Variants in PPARGC1A observed in about 807,000 individuals in gnomAD.
The protein encoded by PPARGC1A is peroxisome proliferator-activated receptor gamma coactivator 1-alpha.
A neutral mutation model predicts 88.7 loss-of-function variants in PPARGC1A; 25 were observed. The ratio of observed to expected loss-of-function variants is 0.28; its 90% CI spans 0.21 to 0.39. PPARGC1A has a LOEUF of 0.39. Among genes scored for constraint, PPARGC1A ranks in the 10% least tolerant of loss-of-function variants. The pLI, the probability that PPARGC1A is intolerant of heterozygous loss-of-function variation, is 1.00. For missense variants in PPARGC1A, 880 were observed against 968.7 expected (o/e 0.91, Z 1.22); for synonymous variants, 363 against 355.6 (o/e 1.02, Z -0.24).
intron 2 of PPARGC1A, among the ~76,000 whole-genome samples, chr4:23,864,446 A>G (rs150639909): frequency 3.9e-4 from 59 of 152,346 alleles, no homozygotes; most frequent in African/African-American, 1.4e-3. Flanking sequence ...TGGTTTAACA[A>G]TCAAGTATGG....
At chr4:23,858,285 A>AT (rs1332850256) in intron 2 of PPARGC1A, among the ~76,000 whole-genome samples, 9 of 151,996 alleles carry the variant, frequency 5.9e-5, no homozygotes, top group East Asian at 1.9e-4. Flanking sequence ...GGAGGGCAGG[A>AT]TTTTTTTTAC....
At chr4:24,137,816 T>C in the PPARGC1A span, among the ~76,000 whole-genome samples, 2 of 152,274 alleles carry the variant, frequency 1.3e-5, no homozygotes, top group East Asian at 3.9e-4. Context: ...CAAACAGCTT[T>C]TTCAAAATCC....
At chr4:24,276,604 G>A in the PPARGC1A span, among the ~76,000 whole-genome samples, 45 of 152,222 alleles carry the variant, frequency 3.0e-4, no homozygotes, top group African/African-American at 8.7e-4. Context: ...CTTTGCCCCC[G>A]AAATTATTAC....
the PPARGC1A span, among the ~76,000 whole-genome samples, chr4:23,991,688 T>G: frequency 6.6e-6 from 1 of 151,206 alleles, no homozygotes; most frequent in East Asian, 1.9e-4. Flanking sequence ...ACACTGAGAC[T>G]GGGACAGCTT....
At chr4:23,885,997 G>A (rs1716811968) in intron 1 of PPARGC1A, among the ~76,000 whole-genome samples, 1 of 152,082 alleles carries the variant, frequency 6.6e-6, no homozygotes, top group Non-Finnish European at 1.5e-5. Flanking sequence ...TTACCAATGA[G>A]GTGGTCTCCT....
At chr4:24,298,391 A>G in the PPARGC1A span, among the ~76,000 whole-genome samples, 1 of 152,142 alleles carries the variant, frequency 6.6e-6, no homozygotes, top group Non-Finnish European at 1.5e-5. Flanking sequence ...AATGGGAATG[A>G]TAGTAGTATA....
At chr4:24,212,534 A>C in the PPARGC1A span, among the ~76,000 whole-genome samples, 1 of 152,344 alleles carries the variant, frequency 6.6e-6, no homozygotes, top group Admixed American at 6.5e-5. Flanking sequence ...ATGTATTCTA[A>C]GTATTTATAA....
chr4:24,098,057 G>A, the PPARGC1A span, among the ~76,000 whole-genome samples: 3 of 152,150 alleles, frequency 2.0e-5, no homozygotes, highest in African/African-American at 7.2e-5. Flanking sequence ...ATAGAAAAAA[G>A]TTGCTGTTTT....
chr4:23,828,602 A>G lies in PPARGC1A; in HGVS notation c.555T>C (p.Thr185=), dbSNP rs770153741. The change falls in exon 5 of 13, where the codon ACT becomes ACC. Residue 185 remains threonine (T), a splice_region_variant and synonymous_variant. Coordinates refer to ENST00000264867, the MANE Select transcript of PPARGC1A (RefSeq NM_013261.5). ...TCGCTTTATTGCTCCATGAATTCTC[A>G]GTCTTAAAAACAAGGCATAAAGAAA... The part of the protein sequence containing the change: ...RIRTNPAIVK[T]ENSWSNKAKS... The G allele has an allele frequency of 6.2e-7, 1 of 1,614,012 alleles. No individual in the cohort carries two copies. Among genetic ancestry groups the G allele is most frequent in the South Asian group, 1.1e-5 (1 of 91,078 alleles).
At chr4:24,066,834 TTTTG>T in the PPARGC1A span, among the ~76,000 whole-genome samples, 535 of 139,128 alleles carry the variant, frequency 3.8e-3, 2 homozygotes, top group Non-Finnish European at 5.6e-3. Flanking sequence ...TGTTTTTGTT[TTTTG>T]TTTGTTTTGG....
At chr4:24,232,171 T>C in the PPARGC1A span, among the ~76,000 whole-genome samples, 38 of 151,954 alleles carry the variant, frequency 2.5e-4, no homozygotes, top group African/African-American at 8.9e-4. Context: ...GACTCCGTTC[T>C]TTACTTCTTG....
At chr4:24,309,415 C>A in the PPARGC1A span, among the ~76,000 whole-genome samples, 1 of 152,122 alleles carries the variant, frequency 6.6e-6, no homozygotes, top group East Asian at 1.9e-4. Context: ...GATAGTGTGA[C>A]TGGAGCCTCA....
chr4:24,400,849 C>T, the PPARGC1A span, among the ~76,000 whole-genome samples: 1 of 151,990 alleles, frequency 6.6e-6, no homozygotes, highest in Non-Finnish European at 1.5e-5. Flanking sequence ...AAATGTGAGG[C>T]AGATATGCCA....
At chr4:24,216,593 T>G in the PPARGC1A span, among the ~76,000 whole-genome samples, 1 of 152,210 alleles carries the variant, frequency 6.6e-6, no homozygotes, top group East Asian at 1.9e-4. Flanking sequence ...TTTGTTTTTG[T>G]TCTTGCTTTT....
chr4:23,905,086 C>T (rs541244759), upstream of PPARGC1A, among the ~76,000 whole-genome samples: 5 of 152,260 alleles, frequency 3.3e-5, no homozygotes, highest in African/African-American at 7.2e-5. Flanking sequence ...GAGTTCTTTT[C>T]GACTTCAGAA....
chr4:24,081,989 G>A, the PPARGC1A span, among the ~76,000 whole-genome samples: 1 of 152,082 alleles, frequency 6.6e-6, no homozygotes, highest in Non-Finnish European at 1.5e-5. Flanking sequence ...ATGGAAAAGT[G>A]CTTTTGAAAA....
At chr4:24,177,621 AAATAAATAAATAAAT>A in the PPARGC1A span, among the ~76,000 whole-genome samples, 29 of 40,702 alleles carry the variant, frequency 7.1e-4, 1 homozygote, top group African/African-American at 1.3e-3. Context: ...AAGTATAATT[AAATAAATAAATAAAT>A]AAATAAATAA....
the PPARGC1A span, among the ~76,000 whole-genome samples, chr4:23,999,702 T>C: frequency 6.6e-6 from 1 of 152,334 alleles, no homozygotes; most frequent in Admixed American, 6.5e-5. Context: ...GAATTGCAGA[T>C]ATCCTAAGCT....
chr4:24,077,733 T>C, the PPARGC1A span, among the ~76,000 whole-genome samples: 2 of 151,652 alleles, frequency 1.3e-5, no homozygotes, highest in Admixed American at 6.6e-5. Flanking sequence ...TAATCTTGTC[T>C]CTTGGTTCAA....
Sources: allele counts gnomAD v4.1 joint callset (sites outside exome capture counted in the v4.1 genomes callset), GRCh38; gene constraint gnomAD v4.1.1; transcripts MANE v1.5; gene names NCBI Gene and HGNC (gene_info 2026-07-23, HGNC 2026-07-21).